PROCR: variants seen among roughly 807,000 people sequenced by gnomAD.
PROCR encodes the protein protein C receptor.
Under a neutral mutation model 24.2 loss-of-function variants are expected in PROCR, and 22 were observed. The ratio of observed to expected loss-of-function variants is 0.91; its 90% CI spans 0.65 to 1.30. PROCR has a LOEUF of 1.30. Ranked by LOEUF, PROCR falls within the 50% of genes most tolerant of loss-of-function variation. The pLI is 0.00. For synonymous variants in PROCR, 137 were observed against 139.2 expected (o/e 0.98, Z 0.11); for missense variants, 288 against 307.7 (o/e 0.94, Z 0.48).
intron 1 of PROCR, 59 bp downstream of exon 1, chr20:35,172,283 G>A: frequency 6.3e-7 from 1 of 1,576,250 alleles, no homozygotes; most frequent in Non-Finnish European, 8.7e-7. Context: ...AGTCTATCTG[G>A]GCACATGGCA....
At chr20:35,205,914 C>G (rs906026711) in intron 1 of PROCR, among the ~76,000 whole-genome samples, 1 of 148,376 alleles carries the variant, frequency 6.7e-6, no homozygotes, top group Non-Finnish European at 1.5e-5. Flanking sequence ...TGATCCCCCC[C>G]CCAACCTCGG....
chr20:35,189,835 C>T (rs140025307), intron 1 of PROCR, among the ~76,000 whole-genome samples: 44 of 152,186 alleles, frequency 2.9e-4, no homozygotes, highest in Admixed American at 9.2e-4. Context: ...TTAGTATCTA[C>T]AACAGTGCCA....
At position 35,176,432 on chromosome 20, in the gene PROCR, C is replaced by T. The variant is rs769150733; in HGVS notation, c.587C>T (p.Ala196Val). Residue 196 changes from alanine (A) to valine (V), a missense_variant, in exon 3 of 4, where the codon GCG becomes GTG. Physicochemically the swap from Ala to Val is moderately conservative, Grantham distance 64 (BLOSUM62 0). Transcript: ENST00000216968. ...CVQYVQKHIS[A>V]ENTKGSQTSR... ...CAGTATGTGCAGAAACATATTTCCG[C>T]GGAAAACACGAAAGGTATGATGGGA... 2 of 1,613,876 alleles carry T rather than the reference C, an allele frequency of 1.2e-6. No individual in the cohort carries two copies. Among genetic ancestry groups the T allele is most frequent in the Admixed American group, 1.7e-5 (1 of 60,002 alleles).
chr20:35,177,269 C>T lies in PROCR; in HGVS notation c.*456C>T, dbSNP rs936402602. The stretch of plus-strand genomic sequence containing the variant: ...TATAATAGGGTAGAAAGAAGTAACA[C>T]GAAGAAGTGGTGGAAATGTAAAATC... On this transcript the variant is annotated 3_prime_UTR_variant, in exon 4 of 4. Transcript: ENST00000216968. 1.2e-5 allele frequency: 12 copies of T among 1,005,630 alleles called. No homozygotes were observed. Among genetic ancestry groups the T allele is most frequent in the African/African-American group, 8.7e-5 (5 of 57,796 alleles). The allele number at this position is 1,005,630 out of a possible 1,614,324, so 62.3% of individuals were successfully genotyped here.
chr20:35,183,489 C>T (rs1442364203), intron 1 of PROCR, among the ~76,000 whole-genome samples: 2 of 152,176 alleles, frequency 1.3e-5, no homozygotes, highest in Non-Finnish European at 2.9e-5. Context: ...GAAGAAGATG[C>T]TGGTGCCATG....
intron 3 of PROCR, 94 bp downstream of exon 3, chr20:35,176,540 G>C (rs1298497971): frequency 6.2e-7 from 1 of 1,600,062 alleles, no homozygotes; most frequent in Non-Finnish European, 8.5e-7. Context: ...AGAGCAACAA[G>C]AGGCCCACAG....
intron 2 of PROCR, among the ~76,000 whole-genome samples, chr20:35,175,560 G>T: frequency 1.5e-4 from 12 of 80,374 alleles, no homozygotes; most frequent in East Asian, 3.0e-4. Context: ...TTCTCTCCTA[G>T]TCCCCCACCC....
chr20:35,176,709 A>G lies in PROCR; in HGVS notation c.613A>G (p.Ser205Gly), dbSNP rs1360118046. 1.2e-6 allele frequency: 2 copies of G among 1,611,078 alleles called. No homozygotes were observed. The highest frequency in any genetic ancestry group is 1.7e-6 in the Non-Finnish European group (2 of 1,178,734). ...TGCATGTTCTGCAGGGAGCCAAACA[A>G]GCCGCTCCTACACTTCGCTGGTCCT... Reference protein sequence around the residue: ...SAENTKGSQTSRSYTSLVLGV... With the variant: ...SAENTKGSQTGRSYTSLVLGV... Residue 205 changes from serine to glycine, a missense_variant, in exon 4 of 4, where the codon AGC becomes GGC. Physicochemically the swap from Ser to Gly is moderately conservative, Grantham distance 56. Transcript: ENST00000216968.
At chr20:35,193,178 CTTT>C (rs369192046) in intron 1 of PROCR, among the ~76,000 whole-genome samples, 1 of 142,316 alleles carries the variant, frequency 7.0e-6, no homozygotes, top group African/African-American at 2.6e-5. Context: ...TTCTTTCTTT[CTTT>C]TTTTTTTTTT....
chr20:35,213,546 C>G (rs891045102), intron 1 of PROCR, among the ~76,000 whole-genome samples: 2 of 151,910 alleles, frequency 1.3e-5, no homozygotes, highest in African/African-American at 4.8e-5. Flanking sequence ...TTTTTGAAAC[C>G]TAAGTGAACT....
chr20:35,191,591 G>A (rs1210884675), intron 1 of PROCR, among the ~76,000 whole-genome samples: 2 of 152,184 alleles, frequency 1.3e-5, no homozygotes, highest in Non-Finnish European at 2.9e-5. Flanking sequence ...TAAGATGACA[G>A]TTGAGCAGAG....
intron 1 of PROCR, among the ~76,000 whole-genome samples, chr20:35,203,760 A>G (rs2060327749): frequency 6.6e-6 from 1 of 152,158 alleles, no homozygotes; most frequent in African/African-American, 2.4e-5. Context: ...AAAACAAAAC[A>G]TATCAAAATT....
chr20:35,178,507 GTTTTTTTTTTT>G (rs1203789471), downstream of PROCR, among the ~76,000 whole-genome samples: 32 of 34,376 alleles, frequency 9.3e-4, 4 homozygotes, highest in East Asian at 0.021. Context: ...TCAAGTCTCA[GTTTTTTTTTTT>G]TTTTTTTTTT....
rs201534859 is a variant in PROCR at position 35,176,160 on chromosome 20, A to C, written c.323-8A>C. Reference sequence around the variant, plus strand: ...CACAGTCCCCTGACCCTGACTGTCTATCCACAGTTCCTCTGACCATCCGCT... The same window carrying C: ...CACAGTCCCCTGACCCTGACTGTCTCTCCACAGTTCCTCTGACCATCCGCT... On this transcript the variant is annotated splice_polypyrimidine_tract_variant and splice_region_variant and intron_variant, in intron 2 of 3. Transcript: ENST00000216968. 3.3e-5 allele frequency: 53 copies of C among 1,613,338 alleles called. 1 individual carries two copies. In the East Asian group the frequency reaches 1.1e-3, roughly 34 times the overall value.
chr20:35,201,640 A>C (rs1275388571), intron 1 of PROCR: 1 of 152,066 alleles, frequency 6.6e-6, no homozygotes, highest in Non-Finnish European at 1.5e-5. Flanking sequence ...GTGCACTGAG[A>C]TCATGCCATT....
chr20:35,178,515 T>TTTTTTTG (rs1568592415), downstream of PROCR, among the ~76,000 whole-genome samples: 11 of 48,220 alleles, frequency 2.3e-4, 2 homozygotes, highest in African/African-American at 1.9e-3. Context: ...CAGTTTTTTT[T>TTTTTTTG]TTTTTTTTTT....
Position 35,172,760 on chromosome 20 carries a change from A to G in PROCR, c.70+536A>G, listed in dbSNP as rs1162245378. The stretch of plus-strand genomic sequence containing the variant: ...TGCCTAATAGAACTTATGGGCGATC[A>G]GGCTACTGAAGTGGCCCTGTTTAAG... On this transcript the variant is annotated intron_variant, in intron 1 of 3. Transcript: ENST00000216968. 2.6e-5 allele frequency among the ~76,000 whole-genome samples: 4 copies of G among 152,146 alleles called. No homozygotes were observed. The East Asian group carries it at 7.7e-4, about 29-fold the overall frequency.
intron 1 of PROCR, among the ~76,000 whole-genome samples, chr20:35,192,746 G>A (rs2086184693): frequency 6.6e-6 from 1 of 152,110 alleles, no homozygotes; most frequent in Admixed American, 6.6e-5. Flanking sequence ...TTAGAAGAGA[G>A]TGATTTCCTT....
intron 1 of PROCR, among the ~76,000 whole-genome samples, chr20:35,214,201 C>G (rs2060372445): frequency 6.6e-6 from 1 of 152,220 alleles, no homozygotes; most frequent in Non-Finnish European, 1.5e-5. Flanking sequence ...CCTTGGGTAT[C>G]TGTCCCTATT....
Sources: gnomAD v4.1 joint callset for allele counts (sites outside exome capture counted in the v4.1 genomes callset) on GRCh38, gnomAD v4.1.1 for gene constraint, MANE v1.5 for transcripts, NCBI Gene and HGNC (gene_info 2026-07-23, HGNC 2026-07-21) for gene names.